SUMF1: variants seen among roughly 807,000 people sequenced by gnomAD.
SUMF1 encodes sulfatase modifying factor 1.
SUMF1 carries 48 observed loss-of-function variants against 47.6 expected under a neutral mutation model. The observed-to-expected ratio is 1.01, with a 90% CI of 0.80 to 1.28. The LOEUF (loss-of-function observed/expected upper bound fraction) is 1.28, where lower values mean the gene tolerates loss of function less well. SUMF1 is among the 50% of genes most tolerant of loss of function. The probability of loss-of-function intolerance (pLI) is 0.00; values close to 1 mark genes in which losing one functional copy is unlikely to be tolerated. For synonymous variants in SUMF1, 230 were observed against 192.1 expected (o/e 1.20, Z -1.63); for missense variants, 571 against 485.4 (o/e 1.18, Z -1.66).
intron 8 of SUMF1, among the ~76,000 whole-genome samples, chr3:4,281,091 G>C (rs1409346261): frequency 2.0e-5 from 3 of 152,114 alleles, no homozygotes; most frequent in Non-Finnish European, 4.4e-5. Context: ...AAATGGAAAA[G>C]CAGGGACTGG....
chr3:4,252,974 G>C (rs1211091229), intron 8 of SUMF1, among the ~76,000 whole-genome samples: 1 of 152,300 alleles, frequency 6.6e-6, no homozygotes, highest in East Asian at 1.9e-4. Flanking sequence ...TGGAACATTT[G>C]ACTTAGATCA....
At chr3:4,456,686 A>ATGTG (rs1553588951) in intron 1 of SUMF1, among the ~76,000 whole-genome samples, 6 of 135,050 alleles carry the variant, frequency 4.4e-5, no homozygotes, top group African/African-American at 1.5e-4. Context: ...GTATATATAT[A>ATGTG]TGTGTGTATA....
intron 8 of SUMF1, among the ~76,000 whole-genome samples, chr3:4,132,973 T>C (rs1016259162): frequency 2.0e-5 from 3 of 152,056 alleles, no homozygotes; most frequent in Non-Finnish European, 2.9e-5. Flanking sequence ...AAGGTTAGGT[T>C]CACTCCACCA....
At chr3:4,414,683 C>A (rs959615022) in intron 6 of SUMF1, 1 of 152,214 alleles carries the variant, frequency 6.6e-6, no homozygotes, top group Non-Finnish European at 1.5e-5. Context: ...CAATTTCCCA[C>A]ACATATGCTG....
At chr3:4,368,526 A>G (rs6777233) in intron 8 of SUMF1, among the ~76,000 whole-genome samples, 1 of 152,050 alleles carries the variant, frequency 6.6e-6, no homozygotes, top group Non-Finnish European at 1.5e-5. Context: ...TGCTATAAAG[A>G]CACATGCACA....
intron 1 of SUMF1, among the ~76,000 whole-genome samples, chr3:4,456,528 T>A (rs1312266117): frequency 2.5e-4 from 37 of 147,206 alleles, no homozygotes; most frequent in Admixed American, 3.4e-4. Context: ...CTCGGCTCAC[T>A]GCAAACTCTG....
rs141436193 is a variant in SUMF1, at chr3:4,129,525, G to C, written c.1015-60780C>G. Among the ~76,000 whole-genome samples, 542 of 152,212 alleles carry C rather than the reference G, an allele frequency of 3.6e-3. 5 individuals are homozygous for C. The highest frequency in any genetic ancestry group is 0.012 in the African/African-American group (503 of 41,526). On this transcript the variant is annotated intron_variant and NMD_transcript_variant, in intron 8 of 12. Coordinates refer to the SUMF1 transcript ENST00000448413. ...GGCCCCTCAATCAATTTTCAGACTT[G>C]AGCCAGTTTACAAACCCAGAACCCC...
At chr3:4,209,464 T>C (rs1255711520) in intron 8 of SUMF1, among the ~76,000 whole-genome samples, 2 of 152,190 alleles carry the variant, frequency 1.3e-5, no homozygotes, top group African/African-American at 2.4e-5. Context: ...AGAATACTTC[T>C]AAGATCCTTC....
At chr3:4,264,844 T>C (rs1179321785) in intron 8 of SUMF1, among the ~76,000 whole-genome samples, 3 of 152,128 alleles carry the variant, frequency 2.0e-5, no homozygotes, top group South Asian at 2.1e-4. Flanking sequence ...TAAGAACATT[T>C]TGGACACAGC....
chr3:4,351,762 C>T (rs1699507498), intron 8 of SUMF1, among the ~76,000 whole-genome samples: 1 of 152,146 alleles, frequency 6.6e-6, no homozygotes, highest in East Asian at 1.9e-4. Context: ...CACTTCATTA[C>T]CACATTGAGA....
intron 8 of SUMF1, among the ~76,000 whole-genome samples, chr3:4,265,710 C>A (rs1276319522): frequency 2.0e-5 from 3 of 152,160 alleles, no homozygotes; most frequent in African/African-American, 7.2e-5. Context: ...GTTTCTTTTG[C>A]TGTGTAGAAG....
intron 8 of SUMF1, among the ~76,000 whole-genome samples, chr3:4,344,034 T>G (rs1699323874): frequency 6.6e-6 from 1 of 152,268 alleles, no homozygotes; most frequent in Admixed American, 6.5e-5. Flanking sequence ...TGACTCAATT[T>G]TGTTTTATAA....
chr3:4,059,524 CT>C (rs1259165741), intron 9 of SUMF1, among the ~76,000 whole-genome samples: 1 of 152,126 alleles, frequency 6.6e-6, no homozygotes, highest in African/African-American at 2.4e-5. Context: ...TCTCTTAAAC[CT>C]CTACAGCTGC....
intron 9 of SUMF1, among the ~76,000 whole-genome samples, chr3:4,056,543 T>C (rs999533272): frequency 2.2e-4 from 34 of 151,890 alleles, no homozygotes; most frequent in African/African-American, 8.2e-4. Flanking sequence ...TGTGGTAGCA[T>C]GCTAATTGGG....
intron 8 of SUMF1, among the ~76,000 whole-genome samples, chr3:4,102,536 G>T (rs777239712): frequency 2.6e-5 from 4 of 152,118 alleles, no homozygotes. Context: ...ATTTGTCAAA[G>T]CTTTCTTTGC....
intron 8 of SUMF1, among the ~76,000 whole-genome samples, chr3:4,366,469 T>C (rs1041681152): frequency 1.3e-5 from 2 of 151,702 alleles, no homozygotes; most frequent in East Asian, 1.9e-4. Flanking sequence ...ATTCATTTCA[T>C]CTTCCATCAC....
chr3:4,456,813 CGT>C (rs764743431), intron 1 of SUMF1, among the ~76,000 whole-genome samples: 73 of 112,496 alleles, frequency 6.5e-4, no homozygotes, highest in Middle Eastern at 5.1e-3. Context: ...TATATATATA[CGT>C]GTGTGTGTAT....
At chr3:4,171,259 T>C (rs1694826518) in intron 8 of SUMF1, among the ~76,000 whole-genome samples, 1 of 152,156 alleles carries the variant, frequency 6.6e-6, no homozygotes, top group African/African-American at 2.4e-5. Flanking sequence ...TATACCAGGA[T>C]TCTCTAATAC....
chr3:4,110,301 G>A (rs966421052), intron 8 of SUMF1, among the ~76,000 whole-genome samples: 2 of 152,100 alleles, frequency 1.3e-5, no homozygotes, highest in African/African-American at 4.8e-5. Context: ...TCTCAGAGGA[G>A]TACCCAGACA....
Sources: allele counts gnomAD v4.1 joint callset (sites outside exome capture counted in the v4.1 genomes callset), GRCh38; gene constraint gnomAD v4.1.1; transcripts MANE v1.5; gene names NCBI Gene and HGNC (gene_info 2026-07-23, HGNC 2026-07-21).